Variants in FABP6 observed in about 807,000 individuals in gnomAD.
FABP6 encodes gastrotropin.
FABP6 carries 13 observed loss-of-function variants against 14.9 expected under a neutral mutation model. The ratio of observed to expected loss-of-function variants is 0.87; its 90% confidence interval spans 0.57 to 1.39. The LOEUF is 1.39. FABP6 is among the 40% of genes most tolerant of loss of function. The probability of loss-of-function intolerance (pLI) is 0.00; values close to 1 mark genes in which losing one functional copy is unlikely to be tolerated. For synonymous variants in FABP6, 75 were observed against 63.6 expected, an observed-to-expected ratio of 1.18 and a Z score of -0.85; for missense variants, 161 against 167.2, an observed-to-expected ratio of 0.96 and a Z score of 0.20.
chr5:160,203,092 G>C (rs1759681300), intron 2 of FABP6, among the ~76,000 whole-genome samples: 1 of 151,962 alleles, frequency 6.6e-6, no homozygotes, highest in Non-Finnish European at 1.5e-5. Context: ...AGTAGAGATG[G>C]GGTTTCACTG....
intron 2 of FABP6, among the ~76,000 whole-genome samples, chr5:160,232,580 C>T (rs966096145): frequency 6.6e-6 from 1 of 152,076 alleles, no homozygotes; most frequent in Non-Finnish European, 1.5e-5. Context: ...CCAGATTGAT[C>T]GGGGAGGCTA....
chr5:160,202,696 C>T (rs1339201304), intron 2 of FABP6, among the ~76,000 whole-genome samples: 2 of 151,034 alleles, frequency 1.3e-5, no homozygotes, highest in Admixed American at 6.6e-5. Flanking sequence ...CCCAGTGACT[C>T]GGGAGGCTGA....
intron 3 of FABP6, among the ~76,000 whole-genome samples, chr5:160,219,479 G>C (rs576050704): frequency 1.3e-5 from 2 of 152,268 alleles, no homozygotes; most frequent in East Asian, 3.9e-4. Context: ...TCTCAATGAG[G>C]GTCTGAACAA....
intron 2 of FABP6, among the ~76,000 whole-genome samples, chr5:160,207,732 T>A (rs1035685337): frequency 5.3e-5 from 8 of 151,696 alleles, no homozygotes; most frequent in African/African-American, 1.9e-4. Context: ...CCTTTTTTTT[T>A]TTTTTTTTGA....
At chr5:160,228,244 A>T (rs59880216), upstream of FABP6, among the ~76,000 whole-genome samples, 30,072 of 151,716 alleles carry the variant, frequency 0.2, 3,734 homozygotes, top group East Asian at 0.37. Flanking sequence ...ATACAAAATT[A>T]GCTGGGTGTG....
intron 2 of FABP6, among the ~76,000 whole-genome samples, chr5:160,203,598 A>C (rs1034108337): frequency 2.0e-5 from 3 of 152,200 alleles, no homozygotes; most frequent in African/African-American, 7.2e-5. Flanking sequence ...CCTGGGATCA[A>C]GCAATCCTTC....
At chr5:160,194,313 G>A (rs1214298454) in intron 1 of FABP6, among the ~76,000 whole-genome samples, 1 of 152,212 alleles carries the variant, frequency 6.6e-6, no homozygotes, top group Non-Finnish European at 1.5e-5. Context: ...GCAAGCTGAG[G>A]GAGTGGGCTC....
chr5:160,226,137 C>T, upstream of FABP6, among the ~76,000 whole-genome samples: 1 of 150,214 alleles, frequency 6.7e-6, no homozygotes, highest in Non-Finnish European at 1.5e-5. Flanking sequence ...TGTGACACTG[C>T]ACTCCAGCCT....
chr5:160,204,951 C>G (rs10063628), intron 2 of FABP6: 110,585 of 152,046 alleles, frequency 0.73, 40,204 homozygotes, highest in East Asian at 0.8. Context: ...AGCTCCATAG[C>G]TAGGGATGGT....
chr5:160,237,847 C>T (rs1334120535), intron 3 of FABP6, among the ~76,000 whole-genome samples: 1 of 152,210 alleles, frequency 6.6e-6, no homozygotes, highest in Non-Finnish European at 1.5e-5. Flanking sequence ...GCTCTGAATT[C>T]CCTTTCTCCT....
At chr5:160,221,048 C>T (rs1760118440) in intron 3 of FABP6, among the ~76,000 whole-genome samples, 1 of 147,214 alleles carries the variant, frequency 6.8e-6, no homozygotes, top group Non-Finnish European at 1.5e-5. Context: ...GAGATTGTAC[C>T]ACTGCATTCC....
intron 3 of FABP6, among the ~76,000 whole-genome samples, chr5:160,220,850 G>A (rs185328464): frequency 3.7e-3 from 556 of 152,136 alleles, no homozygotes; most frequent in Non-Finnish European, 6.3e-3. Context: ...CAGTTTGGGA[G>A]GCTGAGGTGG....
intron 2 of FABP6, among the ~76,000 whole-genome samples, chr5:160,203,756 C>T (rs1245183975): frequency 2.0e-5 from 3 of 150,354 alleles, no homozygotes; most frequent in African/African-American, 7.4e-5. Flanking sequence ...GGCTGGAGTG[C>T]AATGGCACAA....
At chr5:160,199,547 C>G (rs1459033344) in intron 2 of FABP6, among the ~76,000 whole-genome samples, 1 of 152,168 alleles carries the variant, frequency 6.6e-6, no homozygotes, top group East Asian at 1.9e-4. Flanking sequence ...CATCCCGGCT[C>G]CCCGTCGGCC....
chr5:160,217,981 C>T (rs1379317402), intron 3 of FABP6, among the ~76,000 whole-genome samples: 1 of 152,108 alleles, frequency 6.6e-6, no homozygotes, highest in Admixed American at 6.6e-5. Flanking sequence ...CTCTGTCACC[C>T]AGGAGGTAGT....
chr5:160,209,056 G>A (rs934054230), intron 2 of FABP6, among the ~76,000 whole-genome samples: 4 of 150,180 alleles, frequency 2.7e-5, no homozygotes, highest in African/African-American at 4.9e-5. Flanking sequence ...GATTACAGGC[G>A]TGAGCCACTG....
chr5:160,189,821 C>A (rs569483225), intron 1 of FABP6, among the ~76,000 whole-genome samples: 1 of 152,254 alleles, frequency 6.6e-6, no homozygotes, highest in South Asian at 2.1e-4. Context: ...GGATATTATT[C>A]TTTGGGAAGT....
intron 1 of FABP6, chr5:160,198,953 G>A (rs964712499): frequency 3.4e-4 from 247 of 736,436 alleles, no homozygotes; most frequent in Non-Finnish European, 3.2e-4. Context: ...GGCACACAGT[G>A]AGCAGTCAAT....
chr5:160,231,684 C>T (rs963708333), intron 1 of FABP6, among the ~76,000 whole-genome samples: 3 of 152,164 alleles, frequency 2.0e-5, no homozygotes, highest in Admixed American at 6.5e-5. Flanking sequence ...GCATGAACCA[C>T]CATACCTGGT....
Sources: gnomAD v4.1 joint callset for allele counts (sites outside exome capture counted in the v4.1 genomes callset) on GRCh38, gnomAD v4.1.1 for gene constraint, MANE v1.5 for transcripts, NCBI Gene and HGNC (gene_info 2026-07-23, HGNC 2026-07-21) for gene names.